The following NTM variants were observed in gnomAD, a reference collection of about 807,000 sequenced individuals.
NTM encodes the protein neurotrimin.
Under a neutral mutation model 42.1 loss-of-function variants are expected in NTM, and 13 were observed. The observed-to-expected ratio is 0.31, with a 90% CI of 0.20 to 0.49. The LOEUF (loss-of-function observed/expected upper bound fraction) is 0.49, where lower values mean the gene tolerates loss of function less well. NTM is among the 20% of genes least tolerant of loss of function. The pLI is 0.99. For missense variants in NTM, 373 were observed against 452.8 expected (o/e 0.82, Z 1.60); for synonymous variants, 187 against 179.2 (o/e 1.04, Z -0.35).
chr11:131,379,505 G>A (rs1037335239), intron 1 of NTM, among the ~76,000 whole-genome samples: 3 of 152,162 alleles, frequency 2.0e-5, no homozygotes, highest in Non-Finnish European at 2.9e-5. Flanking sequence ...CTGGTTTGAG[G>A]TCTGTGGCAA....
At chr11:132,262,361 C>T (rs1388645919) in intron 4 of NTM, among the ~76,000 whole-genome samples, 1 of 152,204 alleles carries the variant, frequency 6.6e-6, no homozygotes, top group Non-Finnish European at 1.5e-5. Context: ...TTGTTTGCCA[C>T]TGGCCACGGT....
At chr11:131,706,021 G>A (rs903503214) in intron 1 of NTM, among the ~76,000 whole-genome samples, 9 of 151,872 alleles carry the variant, frequency 5.9e-5, no homozygotes, top group African/African-American at 1.2e-4. Flanking sequence ...TTAAAATCTC[G>A]AATCAAAAGC....
intron 4 of NTM, among the ~76,000 whole-genome samples, chr11:132,257,734 G>A (rs752681079): frequency 3.9e-5 from 6 of 152,156 alleles, no homozygotes; most frequent in Non-Finnish European, 7.4e-5. Flanking sequence ...AGTTTAAAGC[G>A]ATTGCTTGCG....
intron 2 of NTM, among the ~76,000 whole-genome samples, chr11:131,956,234 A>C (rs1450410594): frequency 6.6e-6 from 1 of 152,026 alleles, no homozygotes; most frequent in East Asian, 1.9e-4. Flanking sequence ...GCTTCTTTTC[A>C]CTTCCACGTC....
chr11:131,591,053 G>A (rs1189640906), intron 1 of NTM, among the ~76,000 whole-genome samples: 2 of 152,208 alleles, frequency 1.3e-5, no homozygotes, highest in East Asian at 1.9e-4. Flanking sequence ...ATCCTTGGGC[G>A]TAGTTTCAGT....
rs534452968 is a variant in NTM, at chr11:131,544,321, C to T, written c.82+173433C>T. On this transcript the variant is annotated intron_variant, in intron 1 of 8. Coordinates refer to ENST00000683400, the MANE Select transcript of NTM (RefSeq NM_001352005.2). The stretch of plus-strand genomic sequence containing the variant: ...TAAGAAGAAAGGGTGAGTCTCCCTT[C>T]GTCCTCTGGGGAAGTGGGATTCAGT... Among the ~76,000 whole-genome samples, 3 of 152,306 alleles carry T rather than the reference C, an allele frequency of 2.0e-5. No homozygotes were observed. The East Asian group carries it at 5.8e-4, about 29-fold the overall frequency.
At chr11:131,872,507 A>C (rs1363276226) in intron 1 of NTM, among the ~76,000 whole-genome samples, 1 of 152,208 alleles carries the variant, frequency 6.6e-6, no homozygotes, top group East Asian at 1.9e-4. Context: ...TCCTGCTCAC[A>C]TTACCAAACA....
intron 1 of NTM, among the ~76,000 whole-genome samples, chr11:131,413,760 C>T (rs1181111840): frequency 6.6e-6 from 1 of 152,118 alleles, no homozygotes; most frequent in Non-Finnish European, 1.5e-5. Flanking sequence ...GCCGTGTGGG[C>T]AGCAGGTTCC....
intron 4 of NTM, among the ~76,000 whole-genome samples, chr11:132,236,793 A>G (rs1036858018): frequency 6.6e-6 from 1 of 152,190 alleles, no homozygotes; most frequent in Non-Finnish European, 1.5e-5. Context: ...CCCGGCATGG[A>G]GAATGGCTGG....
At chr11:131,826,175 T>C (rs1185149494) in intron 1 of NTM, among the ~76,000 whole-genome samples, 1 of 151,830 alleles carries the variant, frequency 6.6e-6, no homozygotes, top group Non-Finnish European at 1.5e-5. Context: ...AAGAAAATAG[T>C]TCAAAAAGGG....
chr11:131,829,468 C>G (rs948025994), intron 1 of NTM, among the ~76,000 whole-genome samples: 1 of 152,140 alleles, frequency 6.6e-6, no homozygotes, highest in Non-Finnish European at 1.5e-5. Flanking sequence ...CATTAATTCA[C>G]TTAGGATAAT....
intron 2 of NTM, among the ~76,000 whole-genome samples, chr11:132,058,481 C>A (rs2080083706): frequency 6.6e-6 from 1 of 152,174 alleles, no homozygotes; most frequent in South Asian, 2.1e-4. Context: ...TTTCTGACTT[C>A]TCCCACTGCA....
At chr11:131,850,052 G>T (rs545890600) in intron 1 of NTM, among the ~76,000 whole-genome samples, 24 of 151,930 alleles carry the variant, frequency 1.6e-4, no homozygotes, top group Non-Finnish European at 3.4e-4. Flanking sequence ...TGTAGGTTGC[G>T]GTGACCATCA....
chr11:131,945,664 A>G (rs556638297), intron 2 of NTM, among the ~76,000 whole-genome samples: 113 of 152,362 alleles, frequency 7.4e-4, no homozygotes, highest in African/African-American at 2.7e-3. Flanking sequence ...AGTATTTGTT[A>G]AGAAGAAAGG....
intron 7 of NTM, among the ~76,000 whole-genome samples, chr11:132,316,913 G>C (rs1350218874): frequency 1.3e-5 from 2 of 152,136 alleles, no homozygotes; most frequent in East Asian, 1.9e-4. Flanking sequence ...AGCACACTTG[G>C]GGCAGGTTGG....
chr11:131,705,457 C>A (rs934271959), intron 1 of NTM, among the ~76,000 whole-genome samples: 6 of 152,054 alleles, frequency 3.9e-5, no homozygotes, highest in Non-Finnish European at 7.4e-5. Context: ...ACTAGATTTG[C>A]CTTTCAAGAA....
chr11:131,441,743 A>G (rs763229401), intron 1 of NTM, among the ~76,000 whole-genome samples: 22 of 152,162 alleles, frequency 1.4e-4, no homozygotes, highest in Non-Finnish European at 2.5e-4. Flanking sequence ...TTGCATTTGG[A>G]AGTCCATTGA....
rs551820043 is a variant in NTM at position 132,176,406 on chromosome 11, A to G, written c.400+29892A>G. On this transcript the variant is annotated intron_variant, in intron 3 of 8. Transcript: ENST00000683400. ...TGTTTGAGAAAGGTTTTTCATCTCAATAGCAGATGAAGTACTTATAAGTTG... is the reference window on the plus strand; with the variant it reads ...TGTTTGAGAAAGGTTTTTCATCTCAGTAGCAGATGAAGTACTTATAAGTTG... Among the ~76,000 whole-genome samples the G allele has an allele frequency of 8.5e-5, 13 of 152,208 alleles. No individual in the cohort carries two copies. The South Asian group carries it at 2.5e-3, about 29-fold the overall frequency.
At chr11:132,031,356 C>G (rs1273417157) in intron 2 of NTM, among the ~76,000 whole-genome samples, 1 of 152,110 alleles carries the variant, frequency 6.6e-6, no homozygotes, top group Non-Finnish European at 1.5e-5. Context: ...GAATAGACTC[C>G]AAGGGTCAAG....
Sources: allele counts gnomAD v4.1 joint callset (sites outside exome capture counted in the v4.1 genomes callset), GRCh38; gene constraint gnomAD v4.1.1; transcripts MANE v1.5; gene names NCBI Gene and HGNC (gene_info 2026-07-23, HGNC 2026-07-21).